USP13: variants seen among roughly 807,000 people sequenced by gnomAD.
The protein encoded by USP13 is ubiquitin carboxyl-terminal hydrolase 13.
A neutral mutation model predicts 107.8 loss-of-function variants in USP13; 68 were observed. That is an observed-to-expected ratio of 0.63 (90% CI 0.52 to 0.77). The LOEUF is 0.77. Among genes scored for constraint, USP13 ranks in the 30% least tolerant of loss-of-function variants. USP13 has a pLI of 0.00. For synonymous variants in USP13, 377 were observed against 389.5 expected (o/e 0.97, Z 0.38); for missense variants, 945 against 1,093.3 (o/e 0.86, Z 1.91).
At chr3:179,765,129 G>C (rs547150747) in intron 18 of USP13, among the ~76,000 whole-genome samples, 1 of 152,178 alleles carries the variant, frequency 6.6e-6, no homozygotes, top group Admixed American at 6.5e-5. Context: ...AGTACATGGA[G>C]TTCAGTTTAA....
At chr3:179,763,582 AGTACCAGACTGTCT>A (rs1715074914) in intron 17 of USP13, among the ~76,000 whole-genome samples, 1 of 152,160 alleles carries the variant, frequency 6.6e-6, no homozygotes, top group East Asian at 1.9e-4. Context: ...CCTATATACC[AGTACCAGACTGTCT>A]TTTTTTTTGA....
intron 6 of USP13, among the ~76,000 whole-genome samples, chr3:179,710,128 A>C (rs1267962137): frequency 6.6e-6 from 1 of 152,226 alleles, no homozygotes; most frequent in East Asian, 1.9e-4. Context: ...AATCCTAGCT[A>C]TTGGTACCAA....
At chr3:179,760,603 A>G (rs1714975014) in intron 16 of USP13, among the ~76,000 whole-genome samples, 1 of 149,000 alleles carries the variant, frequency 6.7e-6, no homozygotes, top group Non-Finnish European at 1.5e-5. Flanking sequence ...TTAAGCTTGT[A>G]TAATTAAAAA....
intron 1 of USP13, among the ~76,000 whole-genome samples, chr3:179,673,213 G>T (rs1240944123): frequency 6.6e-6 from 1 of 152,114 alleles, no homozygotes; most frequent in African/African-American, 2.4e-5. Flanking sequence ...GACTTTAAGT[G>T]GAAGCTGTAT....
At chr3:179,730,815 C>A in intron 10 of USP13, 106 bp downstream of exon 10, 1 of 994,094 alleles carries the variant, frequency 1.0e-6, no homozygotes, top group South Asian at 1.5e-5. Flanking sequence ...AGCAAGCTGT[C>A]AGAATAGTAA....
intron 10 of USP13, among the ~76,000 whole-genome samples, chr3:179,738,457 C>G (rs141542855): frequency 6.6e-6 from 1 of 152,314 alleles, no homozygotes; most frequent in Non-Finnish European, 1.5e-5. Flanking sequence ...GGTGTTAAGA[C>G]CACTTTGAGT....
chr3:179,699,260 C>T lies in USP13; in HGVS notation c.356-1748C>T, dbSNP rs756834556. 1.0e-3 allele frequency among the ~76,000 whole-genome samples: 154 copies of T among 152,210 alleles called. 1 individual carries two copies. The highest frequency in any genetic ancestry group is 7.2e-4 in the Non-Finnish European group (49 of 68,004). On this transcript the variant is annotated intron_variant, in intron 3 of 20. Coordinates refer to ENST00000263966, the MANE Select transcript of USP13 (RefSeq NM_003940.3). ...CATTTTCATAATATATAGAATCTTT[C>T]TTTGAATTATATCCTTTAAATTAAT...
chr3:179,760,288 T>TG (rs1714960798), intron 16 of USP13, among the ~76,000 whole-genome samples: 1 of 149,734 alleles, frequency 6.7e-6, no homozygotes, highest in Admixed American at 6.6e-5. Context: ...TAATGTTTTT[T>TG]TTTTTTTTTT....
At chr3:179,688,329 A>G (rs1039642578) in intron 2 of USP13, among the ~76,000 whole-genome samples, 1 of 152,112 alleles carries the variant, frequency 6.6e-6, no homozygotes, top group African/African-American at 2.4e-5. Context: ...TGAACTGCTC[A>G]TTTCCTCCTT....
At chr3:179,724,322 G>T (rs1433223915) in intron 8 of USP13, among the ~76,000 whole-genome samples, 2 of 151,966 alleles carry the variant, frequency 1.3e-5, no homozygotes, top group African/African-American at 4.8e-5. Context: ...GCCGGGCATG[G>T]TGGTGTGTGC....
chr3:179,780,310 A>G (rs893780172), intron 19 of USP13, among the ~76,000 whole-genome samples: 5 of 152,238 alleles, frequency 3.3e-5, no homozygotes, highest in African/African-American at 7.2e-5. Flanking sequence ...TGCAGATGAC[A>G]TAATCTCATA....
At chr3:179,740,208 A>G (rs967869990) in intron 10 of USP13, 39 bp from the exon 11 acceptor site, 22 of 1,609,182 alleles carry the variant, frequency 1.4e-5, no homozygotes, top group Non-Finnish European at 1.9e-5. Flanking sequence ...GTTAATTTGC[A>G]TGAAAGTATC....
In USP13 at chr3:179,752,265, T is replaced by G. The variant is rs766168510; in HGVS notation, c.1710-20T>G. ...TTCTTATTGCCTTGTTTCATTGATATATCCCCTTGTGTTTCCCAGAACATC... is the reference window on the plus strand; with the variant it reads ...TTCTTATTGCCTTGTTTCATTGATAGATCCCCTTGTGTTTCCCAGAACATC... On this transcript the variant is annotated intron_variant, in intron 13 of 20. Coordinates refer to ENST00000263966, the MANE Select transcript of USP13 (RefSeq NM_003940.3). The G allele has an allele frequency of 3.1e-6, 5 of 1,603,470 alleles. No individual in the cohort carries two copies. In the South Asian group the frequency reaches 5.5e-5, roughly 18 times the overall value.
chr3:179,658,414 T>C (rs1423470174), intron 1 of USP13, among the ~76,000 whole-genome samples: 3 of 151,344 alleles, frequency 2.0e-5, no homozygotes, highest in South Asian at 4.1e-4. Context: ...GTCCTCATAG[T>C]TGGCTCTCTT....
At chr3:179,690,504 C>A (rs1439029483) in intron 3 of USP13, among the ~76,000 whole-genome samples, 1 of 152,298 alleles carries the variant, frequency 6.6e-6, no homozygotes, top group South Asian at 2.1e-4. Context: ...GGGTTTAGTG[C>A]TTTGAAGCAA....
chr3:179,665,335 CGTCAAGTGTCTATTATGA>C (rs917816096), intron 1 of USP13, among the ~76,000 whole-genome samples: 8 of 152,166 alleles, frequency 5.3e-5, no homozygotes, highest in Non-Finnish European at 1.2e-4. Context: ...AACTCCAATC[CGTCAAGTGTCTATTATGA>C]GTCAAACACT....
chr3:179,746,089 G>A (rs1714396261), intron 13 of USP13, among the ~76,000 whole-genome samples: 1 of 151,570 alleles, frequency 6.6e-6, no homozygotes, highest in Non-Finnish European at 1.5e-5. Flanking sequence ...TTGAGGCTAA[G>A]ATTGAGATTT....
In USP13 at chr3:179,784,402, T is replaced by G. The variant is rs1333935281; in HGVS notation, c.*261T>G. The G allele has an allele frequency of 3.0e-6, 1 of 330,968 alleles. No homozygotes were observed. Among genetic ancestry groups the G allele is most frequent in the Non-Finnish European group, 5.5e-6 (1 of 181,072 alleles). 20.5% of individuals were successfully genotyped at this position (330,968 alleles called of 1,614,324 possible). ...TGATATTTAAAAACAAAAAAAGTAT[T>G]CATATTGCTGGTGGAGGATCTGCCA... On this transcript the variant is annotated 3_prime_UTR_variant, in exon 21 of 21. Coordinates refer to ENST00000263966, the MANE Select transcript of USP13 (RefSeq NM_003940.3).
At chr3:179,704,831 C>T (rs911496486) in intron 4 of USP13, among the ~76,000 whole-genome samples, 2 of 152,148 alleles carry the variant, frequency 1.3e-5, no homozygotes, top group Non-Finnish European at 2.9e-5. Context: ...CTTGTTGAGG[C>T]CGGGGACCTC....
Sources: gnomAD v4.1 joint callset for allele counts (sites outside exome capture counted in the v4.1 genomes callset) on GRCh38, gnomAD v4.1.1 for gene constraint, MANE v1.5 for transcripts, NCBI Gene and HGNC (gene_info 2026-07-23, HGNC 2026-07-21) for gene names.